The following GRM8 variants were observed in gnomAD, a reference collection of about 807,000 sequenced individuals.
GRM8 encodes the protein metabotropic glutamate receptor 8.
Under a neutral mutation model 87.2 loss-of-function variants are expected in GRM8, and 47 were observed. That is an observed-to-expected ratio of 0.54 (90% CI 0.43 to 0.69). The LOEUF is 0.69. GRM8 is among the 30% of genes least tolerant of loss of function. The probability of loss-of-function intolerance (pLI) is 0.00; values close to 1 mark genes in which losing one functional copy is unlikely to be tolerated. For missense variants in GRM8, 1,019 were observed against 1,139.2 expected (o/e 0.89, Z 1.52); for synonymous variants, 396 against 404.5 (o/e 0.98, Z 0.25).
chr7:127,014,872 A>C (rs1815247643), intron 3 of GRM8, among the ~76,000 whole-genome samples: 1 of 150,966 alleles, frequency 6.6e-6, no homozygotes, highest in African/African-American at 2.4e-5. Context: ...GAGTAGCAAG[A>C]ACCGCTTCAT....
At chr7:126,763,861 C>T (rs12333899) in intron 7 of GRM8, among the ~76,000 whole-genome samples, 16,723 of 151,764 alleles carry the variant, frequency 0.11, 3,120 homozygotes, top group African/African-American at 0.38. Context: ...ATGTTTTTCC[C>T]ATACTTAGCT....
intron 3 of GRM8, among the ~76,000 whole-genome samples, chr7:127,101,053 G>C (rs1467088838): frequency 6.6e-6 from 1 of 152,088 alleles, no homozygotes; most frequent in Non-Finnish European, 1.5e-5. Context: ...TCATTTTACT[G>C]TCTCTTTTCT....
intron 7 of GRM8, among the ~76,000 whole-genome samples, chr7:126,615,015 T>C (rs1411924473): frequency 6.6e-6 from 1 of 151,954 alleles, no homozygotes; most frequent in Non-Finnish European, 1.5e-5. Flanking sequence ...ATTCAGGAAA[T>C]ACAGAGAACA....
intron 7 of GRM8, among the ~76,000 whole-genome samples, chr7:126,721,193 T>C (rs553638478): frequency 6.6e-6 from 1 of 152,302 alleles, no homozygotes; most frequent in South Asian, 2.1e-4. Flanking sequence ...CCTCAGGGCT[T>C]GGCTTGAATG....
At chr7:126,586,124 G>A (rs964084867) in intron 8 of GRM8, among the ~76,000 whole-genome samples, 5 of 152,000 alleles carry the variant, frequency 3.3e-5, no homozygotes, top group African/African-American at 4.8e-5. Flanking sequence ...CAACTTACAA[G>A]GGATGTGAAG....
intron 2 of GRM8, among the ~76,000 whole-genome samples, chr7:127,166,205 T>C (rs1024757684): frequency 6.6e-6 from 1 of 152,194 alleles, no homozygotes; most frequent in Non-Finnish European, 1.5e-5. Context: ...CTTTTCCCAC[T>C]GTGAAGCAAT....
intron 9 of GRM8, among the ~76,000 whole-genome samples, chr7:126,480,511 T>C (rs1049890089): frequency 6.6e-6 from 1 of 152,102 alleles, no homozygotes; most frequent in Non-Finnish European, 1.5e-5. Flanking sequence ...GAGCTATGGG[T>C]TAGATTTGTA....
intron 6 of GRM8, among the ~76,000 whole-genome samples, chr7:126,828,901 G>C (rs1360365110): frequency 6.6e-6 from 1 of 151,972 alleles, no homozygotes; most frequent in Non-Finnish European, 1.5e-5. Context: ...GGTATGTTGT[G>C]TCTTTGTTCT....
intron 3 of GRM8, among the ~76,000 whole-genome samples, chr7:126,951,530 G>T (rs1344587434): frequency 6.6e-6 from 1 of 152,042 alleles, no homozygotes; most frequent in Non-Finnish European, 1.5e-5. Context: ...TACACTGAAA[G>T]GATGGGGAAT....
chr7:126,770,210 G>C, intron 6 of GRM8, 145 bp from the exon 7 acceptor site: 1 of 607,564 alleles, frequency 1.6e-6, no homozygotes, highest in East Asian at 2.8e-5. Flanking sequence ...TACTTACTGA[G>C]TCAGGTTTTT....
At chr7:127,009,073 GTT>G (rs938575283) in intron 3 of GRM8, among the ~76,000 whole-genome samples, 1 of 145,512 alleles carries the variant, frequency 6.9e-6, no homozygotes, top group African/African-American at 2.5e-5. Flanking sequence ...CAATGATCCA[GTT>G]TTTTTTTTTT....
chr7:127,158,107 A>T (rs960707715), intron 2 of GRM8, among the ~76,000 whole-genome samples: 1 of 152,174 alleles, frequency 6.6e-6, no homozygotes, highest in Non-Finnish European at 1.5e-5. Flanking sequence ...TAGAAAAAAA[A>T]TTACAAGATA....
intron 3 of GRM8, among the ~76,000 whole-genome samples, chr7:126,942,071 G>A (rs530543295): frequency 2.6e-5 from 4 of 152,292 alleles, no homozygotes; most frequent in Middle Eastern, 3.4e-3. Flanking sequence ...AATTTGGCAA[G>A]GTGACTTCTC....
At chr7:127,147,717 TTC>T (rs1828629093) in intron 2 of GRM8, among the ~76,000 whole-genome samples, 1 of 152,108 alleles carries the variant, frequency 6.6e-6, no homozygotes, top group Admixed American at 6.6e-5. Flanking sequence ...TTTTGCTGTT[TTC>T]TCCTTTCATC....
intron 3 of GRM8, among the ~76,000 whole-genome samples, chr7:127,016,055 T>C (rs1277265838): frequency 1.3e-5 from 2 of 152,124 alleles, no homozygotes; most frequent in Non-Finnish European, 2.9e-5. Flanking sequence ...AACACTGCCC[T>C]AGTTCTCAAG....
At chr7:126,832,096 C>T (rs10271965) in intron 6 of GRM8, among the ~76,000 whole-genome samples, 4,063 of 149,500 alleles carry the variant, frequency 0.027, 182 homozygotes, top group African/African-American at 0.094. Flanking sequence ...CAGTGTGCCT[C>T]AAGCTTGGGG....
chr7:126,938,102 A>AT (rs946159938), intron 3 of GRM8, among the ~76,000 whole-genome samples: 1 of 152,198 alleles, frequency 6.6e-6, no homozygotes, highest in Non-Finnish European at 1.5e-5. Context: ...ATATAACTAC[A>AT]TTTTGGCCAA....
At chr7:126,836,397 G>C (rs1241878295) in intron 6 of GRM8, among the ~76,000 whole-genome samples, 1 of 152,160 alleles carries the variant, frequency 6.6e-6, no homozygotes, top group African/African-American at 2.4e-5. Flanking sequence ...TGAATACCTG[G>C]TTCAAGGTGG....
At chr7:127,215,881 A>G (rs1796496364) in intron 2 of GRM8, among the ~76,000 whole-genome samples, 1 of 152,156 alleles carries the variant, frequency 6.6e-6, no homozygotes, top group Non-Finnish European at 1.5e-5. Context: ...TGAATTTTCT[A>G]GAACTAAAAA....
Sources: allele counts gnomAD v4.1 joint callset (sites outside exome capture counted in the v4.1 genomes callset), GRCh38; gene constraint gnomAD v4.1.1; transcripts MANE v1.5; gene names NCBI Gene and HGNC (gene_info 2026-07-23, HGNC 2026-07-21).